The following CDK14 variants were observed in gnomAD, a reference collection of about 807,000 sequenced individuals.
The protein encoded by CDK14 is cyclin dependent kinase 14.
CDK14 carries 34 observed loss-of-function variants against 60.7 expected under a neutral mutation model. The observed-to-expected ratio is 0.56, with a 90% CI of 0.43 to 0.75. The LOEUF (loss-of-function observed/expected upper bound fraction) is 0.75. Among genes scored for constraint, CDK14 ranks in the 30% least tolerant of loss-of-function variants. The pLI is 0.00. For missense variants in CDK14, 482 were observed against 564.1 expected (o/e 0.85, Z 1.47); for synonymous variants, 197 against 203.7 (o/e 0.97, Z 0.28).
At chr7:90,900,049 T>C (rs1792454633) in intron 7 of CDK14, among the ~76,000 whole-genome samples, 1 of 152,180 alleles carries the variant, frequency 6.6e-6, no homozygotes, top group African/African-American at 2.4e-5. Context: ...GTATTTGAAG[T>C]AAACTTATTC....
chr7:90,737,676 G>A (rs546062336), intron 3 of CDK14, among the ~76,000 whole-genome samples: 1 of 152,288 alleles, frequency 6.6e-6, no homozygotes, highest in African/African-American at 2.4e-5. Flanking sequence ...AATGCTGGGT[G>A]ATAAAGCTTG....
At chr7:90,991,035 C>T (rs534163052) in intron 10 of CDK14, among the ~76,000 whole-genome samples, 1 of 152,154 alleles carries the variant, frequency 6.6e-6, no homozygotes, top group South Asian at 2.1e-4. Flanking sequence ...TGTTGCAAAA[C>T]GATTGTTACA....
chr7:90,875,006 GC>G (rs1390643717), intron 6 of CDK14, among the ~76,000 whole-genome samples: 1 of 152,074 alleles, frequency 6.6e-6, no homozygotes, highest in Non-Finnish European at 1.5e-5. Context: ...ATATCCATTA[GC>G]ATTCACTCTG....
chr7:91,164,253 C>G (rs1801270647), intron 14 of CDK14, among the ~76,000 whole-genome samples: 1 of 152,066 alleles, frequency 6.6e-6, no homozygotes, highest in Non-Finnish European at 1.5e-5. Flanking sequence ...CAGCTGAGAT[C>G]CAAAACTATG....
intron 7 of CDK14, among the ~76,000 whole-genome samples, chr7:90,901,248 C>T (rs1345239743): frequency 6.6e-6 from 1 of 152,134 alleles, no homozygotes; most frequent in African/African-American, 2.4e-5. Context: ...GGACTTGGTG[C>T]CTCCTAGGAC....
intron 11 of CDK14, among the ~76,000 whole-genome samples, chr7:91,061,362 A>C (rs2116118787): frequency 6.6e-6 from 1 of 152,276 alleles, no homozygotes; most frequent in East Asian, 1.9e-4. Flanking sequence ...CTTTGAGCTC[A>C]GAGTAGTTTG....
chr7:90,732,060 AT>A (rs1375775993), intron 3 of CDK14, among the ~76,000 whole-genome samples: 1 of 152,108 alleles, frequency 6.6e-6, no homozygotes, highest in East Asian at 1.9e-4. Flanking sequence ...GGGCTGTTGA[AT>A]TTTGTCAAAG....
chr7:90,715,285 T>A (rs1011832092), intron 2 of CDK14, among the ~76,000 whole-genome samples: 8 of 152,018 alleles, frequency 5.3e-5, no homozygotes, highest in African/African-American at 1.7e-4. Flanking sequence ...TTGAGACAAG[T>A]GAGCTTCTGC....
intron 2 of CDK14, among the ~76,000 whole-genome samples, chr7:90,699,800 G>C (rs1048331849): frequency 6.6e-6 from 1 of 152,110 alleles, no homozygotes; most frequent in Non-Finnish European, 1.5e-5. Context: ...GTTATGATGG[G>C]GTCAGGCAGA....
chr7:90,812,318 G>T (rs1399362824), intron 5 of CDK14, among the ~76,000 whole-genome samples: 5 of 152,150 alleles, frequency 3.3e-5, no homozygotes, highest in Non-Finnish European at 5.9e-5. Flanking sequence ...TCTTTTGTAT[G>T]GACATGGATG....
At chr7:90,840,850 G>A (rs1790264400) in intron 5 of CDK14, among the ~76,000 whole-genome samples, 1 of 152,160 alleles carries the variant, frequency 6.6e-6, no homozygotes, top group Admixed American at 6.6e-5. Context: ...TCCATTGAGA[G>A]GTTTAGCCAA....
At chr7:91,202,933 T>C (rs1326913906) in intron 14 of CDK14, among the ~76,000 whole-genome samples, 2 of 152,208 alleles carry the variant, frequency 1.3e-5, no homozygotes, top group East Asian at 3.9e-4. Flanking sequence ...TAGGTACATG[T>C]GATTCTCCTA....
At chr7:91,165,135 A>G (rs138936308) in intron 14 of CDK14, among the ~76,000 whole-genome samples, 47 of 152,324 alleles carry the variant, frequency 3.1e-4, no homozygotes, top group Middle Eastern at 3.4e-3. Context: ...CTAATAGTAC[A>G]TTGCAACCAA....
intron 2 of CDK14, among the ~76,000 whole-genome samples, chr7:90,658,312 G>A (rs1800793127): frequency 6.6e-6 from 1 of 152,192 alleles, no homozygotes; most frequent in Non-Finnish European, 1.5e-5. Flanking sequence ...ATGCCAGCAT[G>A]GTTCTGGTGA....
intron 7 of CDK14, among the ~76,000 whole-genome samples, chr7:90,903,853 AT>A (rs1792603703): frequency 6.6e-6 from 1 of 152,192 alleles, no homozygotes; most frequent in Non-Finnish European, 1.5e-5. Flanking sequence ...ATTAATAAAA[AT>A]ATACTTTAAA....
chr7:90,856,951 G>T (rs764370818), intron 5 of CDK14, among the ~76,000 whole-genome samples: 1 of 152,138 alleles, frequency 6.6e-6, no homozygotes, highest in Non-Finnish European at 1.5e-5. Context: ...AAGATGAAAG[G>T]AGCCTGTGAA....
chr7:91,037,531 A>C (rs150310846), intron 10 of CDK14, among the ~76,000 whole-genome samples: 47 of 152,286 alleles, frequency 3.1e-4, no homozygotes, highest in African/African-American at 1.1e-3. Flanking sequence ...TGAATTGTTT[A>C]ACAACATCTG....
chr7:90,960,236 CA>C (rs1360183571), intron 9 of CDK14, among the ~76,000 whole-genome samples: 1 of 152,060 alleles, frequency 6.6e-6, no homozygotes, highest in Non-Finnish European at 1.5e-5. Flanking sequence ...ATTATCTCAT[CA>C]AGACCACAGT....
At chr7:91,004,108 A>G (rs1185891591) in intron 10 of CDK14, among the ~76,000 whole-genome samples, 1 of 152,210 alleles carries the variant, frequency 6.6e-6, no homozygotes, top group Non-Finnish European at 1.5e-5. Context: ...AAGTAGAAGT[A>G]TAGAAGCAAA....
Sources: gnomAD v4.1 joint callset for allele counts (sites outside exome capture counted in the v4.1 genomes callset) on GRCh38, gnomAD v4.1.1 for gene constraint, MANE v1.5 for transcripts, NCBI Gene and HGNC (gene_info 2026-07-23, HGNC 2026-07-21) for gene names.